NARS2: variants seen among roughly 807,000 people sequenced by gnomAD.
The protein encoded by NARS2 is asparaginyl-tRNA synthetase.
A neutral mutation model predicts 62.9 loss-of-function variants in NARS2; 60 were observed. The observed-to-expected ratio is 0.95, with a 90% CI of 0.77 to 1.18. The LOEUF (loss-of-function observed/expected upper bound fraction) is 1.18, where lower values mean the gene tolerates loss of function less well. NARS2 is among the 50% of genes most tolerant of loss of function. The pLI, the probability that NARS2 is intolerant of heterozygous loss-of-function variation, is 0.00. For synonymous variants in NARS2, 196 were observed against 200.0 expected, an observed-to-expected ratio of 0.98 and a Z score of 0.17; for missense variants, 619 against 576.4, an observed-to-expected ratio of 1.07 and a Z score of -0.76.
At chr11:78,551,135 G>A (rs115137933) in intron 5 of NARS2, among the ~76,000 whole-genome samples, 1,658 of 152,264 alleles carry the variant, frequency 0.011, 25 homozygotes, top group African/African-American at 0.037. Context: ...AAATTAGACC[G>A]TGGTGATTGG....
intron 6 of NARS2, among the ~76,000 whole-genome samples, chr11:78,510,090 T>C (rs1039469740): frequency 6.6e-6 from 1 of 152,108 alleles, no homozygotes; most frequent in Non-Finnish European, 1.5e-5. Context: ...CTATAAAGTA[T>C]ATAGAAAACA....
At chr11:78,455,261 A>G (rs962606047) in intron 11 of NARS2, among the ~76,000 whole-genome samples, 23 of 152,268 alleles carry the variant, frequency 1.5e-4, no homozygotes, top group African/African-American at 5.5e-4. Flanking sequence ...TCACCCAATA[A>G]TTCCTTACTC....
intron 9 of NARS2, among the ~76,000 whole-genome samples, chr11:78,474,836 A>ATG (rs1322415496): frequency 2.6e-5 from 4 of 152,306 alleles, no homozygotes; most frequent in African/African-American, 9.6e-5. Context: ...ACAGGATACA[A>ATG]TGTGTTTTTG....
chr11:78,477,674 T>G (rs1054057123), intron 9 of NARS2, among the ~76,000 whole-genome samples: 2 of 152,102 alleles, frequency 1.3e-5, no homozygotes, highest in Non-Finnish European at 2.9e-5. Flanking sequence ...CAGTGGACTT[T>G]GAAAAAAGCA....
intron 5 of NARS2, among the ~76,000 whole-genome samples, chr11:78,548,740 G>GT (rs142384474): frequency 0.011 from 1,642 of 152,256 alleles, 35 homozygotes; most frequent in African/African-American, 0.039. Context: ...TGACATGACA[G>GT]TGTGGGGAGC....
intron 13 of NARS2, among the ~76,000 whole-genome samples, chr11:78,437,121 T>C (rs542328824): frequency 6.6e-6 from 1 of 152,332 alleles, no homozygotes; most frequent in African/African-American, 2.4e-5. Context: ...ACAGAAAATT[T>C]TCTATAGATT....
chr11:78,502,362 C>T (rs1431487342), intron 6 of NARS2, among the ~76,000 whole-genome samples: 3 of 152,226 alleles, frequency 2.0e-5, no homozygotes, highest in African/African-American at 7.2e-5. Flanking sequence ...GCTATGTCCT[C>T]ATGTGGATTT....
chr11:78,514,199 T>C (rs1449235329), intron 6 of NARS2, among the ~76,000 whole-genome samples: 1 of 152,196 alleles, frequency 6.6e-6, no homozygotes, highest in East Asian at 1.9e-4. Context: ...CTCTGTTCAC[T>C]GCAGCCTCGA....
At chr11:78,544,034 A>AAAAAAAAAAAAAAAAAAAAG (rs1565272268) in intron 5 of NARS2, among the ~76,000 whole-genome samples, 1 of 151,048 alleles carries the variant, frequency 6.6e-6, no homozygotes. Flanking sequence ...AAAAAAAAAA[A>AAAAAAAAAAAAAAAAAAAAG]AAAAAACTCT....
rs764254167 is a variant in NARS2, at chr11:78,468,310, GAAA to G, written c.1026+934_1026+936del. ...ACCTGCTTCTGCAAGCACTAAATCT[GAAA>G]AAAAAAAAAAAAAAAGAAAAAAAAG... On this transcript the variant is annotated intron_variant, in intron 10 of 13. Transcript: ENST00000281038. 2.5e-4 allele frequency among the ~76,000 whole-genome samples: 17 copies of G among 67,428 alleles called. No individual in the cohort carries two copies. In the East Asian group the frequency reaches 3.4e-3, roughly 13 times the overall value. The allele number at this position is 67,428 out of a possible 152,430, so 44.2% of individuals were successfully genotyped here.
chr11:78,482,212 A>AT (rs1374854476), intron 7 of NARS2, among the ~76,000 whole-genome samples: 1 of 152,154 alleles, frequency 6.6e-6, no homozygotes, highest in Non-Finnish European at 1.5e-5. Context: ...CTAAACAATT[A>AT]TAACTTAAAA....
At chr11:78,559,942 T>C (rs932441740) in intron 4 of NARS2, among the ~76,000 whole-genome samples, 3 of 152,240 alleles carry the variant, frequency 2.0e-5, no homozygotes, top group Non-Finnish European at 4.4e-5. Context: ...GACTAGAACC[T>C]AGGTCTTCAT....
At chr11:78,437,001 C>T (rs1176997311) in intron 13 of NARS2, among the ~76,000 whole-genome samples, 187 bp from the exon 14 acceptor site, 1 of 152,148 alleles carries the variant, frequency 6.6e-6, no homozygotes, top group Non-Finnish European at 1.5e-5. Context: ...TCCAAGGTTA[C>T]CCAGAGAAAC....
chr11:78,548,269 T>C (rs1855954290), intron 5 of NARS2, among the ~76,000 whole-genome samples: 1 of 151,528 alleles, frequency 6.6e-6, no homozygotes, highest in African/African-American at 2.4e-5. Context: ...TTAACAGGAG[T>C]TGGAACAAGG....
chr11:78,454,132 C>T (rs1858068339), intron 11 of NARS2, among the ~76,000 whole-genome samples: 1 of 151,726 alleles, frequency 6.6e-6, no homozygotes, highest in Middle Eastern at 3.4e-3. Flanking sequence ...GAGAGGACAA[C>T]ATTTCAGTAA....
intron 9 of NARS2, among the ~76,000 whole-genome samples, chr11:78,471,007 C>G (rs746411161): frequency 6.3e-4 from 95 of 150,550 alleles, no homozygotes; most frequent in African/African-American, 2.1e-3. Flanking sequence ...TCCATAACAA[C>G]TAACCAGAAA....
chr11:78,463,103 C>T (rs967752072), intron 11 of NARS2, among the ~76,000 whole-genome samples: 3 of 152,170 alleles, frequency 2.0e-5, no homozygotes, highest in African/African-American at 7.2e-5. Flanking sequence ...CTCCCTCTGT[C>T]GCCCAGGCTG....
chr11:78,492,791 T>C (rs137931404), intron 7 of NARS2, among the ~76,000 whole-genome samples: 137 of 152,338 alleles, frequency 9.0e-4, no homozygotes, highest in Non-Finnish European at 1.0e-3. Flanking sequence ...TAAGCACAAT[T>C]ATTCTCATTT....
intron 5 of NARS2, among the ~76,000 whole-genome samples, chr11:78,534,118 C>T (rs1387140495): frequency 6.6e-6 from 1 of 152,166 alleles, no homozygotes; most frequent in Non-Finnish European, 1.5e-5. Context: ...TTGTAAACAT[C>T]CATGTGCACG....
Sources: allele counts gnomAD v4.1 joint callset (sites outside exome capture counted in the v4.1 genomes callset), GRCh38; gene constraint gnomAD v4.1.1; transcripts MANE v1.5; gene names NCBI Gene and HGNC (gene_info 2026-07-23, HGNC 2026-07-21).